EIF4G3: variants seen among roughly 807,000 people sequenced by gnomAD.
The protein encoded by EIF4G3 is eukaryotic translation initiation factor 4 gamma 3.
Under a neutral mutation model 186.4 loss-of-function variants are expected in EIF4G3, and 34 were observed. The observed-to-expected ratio is 0.18, with a 90% CI of 0.14 to 0.24. The LOEUF (loss-of-function observed/expected upper bound fraction) is 0.24. Among genes scored for constraint, EIF4G3 ranks in the 10% least tolerant of loss-of-function variants. The pLI is 1.00. For missense variants in EIF4G3, 1,536 were observed against 1,948.5 expected (o/e 0.79, Z 3.99); for synonymous variants, 673 against 679.5 (o/e 0.99, Z 0.15).
chr1:20,997,318 T>C (rs968330107), intron 7 of EIF4G3, among the ~76,000 whole-genome samples: 21 of 151,862 alleles, frequency 1.4e-4, no homozygotes, highest in Non-Finnish European at 2.4e-4. Flanking sequence ...ACTTAGTATC[T>C]AAATTTTTCA....
intron 7 of EIF4G3, among the ~76,000 whole-genome samples, chr1:20,984,877 C>A (rs1043020078): frequency 1.7e-4 from 26 of 152,224 alleles, no homozygotes; most frequent in African/African-American, 6.3e-4. Context: ...CGTGAGCCAC[C>A]GTGCCCAGTC....
At position 21,082,910 on chromosome 1, in the gene EIF4G3, C is replaced by T. The variant is rs981912611; in HGVS notation, c.-196+6228G>A. On this transcript the variant is annotated intron_variant, in intron 3 of 36. Transcript: ENST00000602326. ...AAAATTAGCCGGGCGTGTTGGCGGG[C>T]GCCTGTAGTCCCAGCTACTTGGGAG... Among the ~76,000 whole-genome samples the T allele has an allele frequency of 1.3e-3, 190 of 151,046 alleles. 1 individual carries two copies. The highest frequency in any genetic ancestry group is 4.4e-3 in the African/African-American group (179 of 41,020).
intron 2 of EIF4G3, among the ~76,000 whole-genome samples, chr1:21,163,294 C>T (rs1327403102): frequency 2.0e-5 from 3 of 152,210 alleles, no homozygotes; most frequent in Non-Finnish European, 4.4e-5. Context: ...AGGTCAAGTG[C>T]TCTGTAGTCT....
At chr1:21,020,530 A>G (rs930639073) in intron 4 of EIF4G3, among the ~76,000 whole-genome samples, 12 of 152,176 alleles carry the variant, frequency 7.9e-5, no homozygotes, top group African/African-American at 2.9e-4. Context: ...AAAGAAGAAT[A>G]CCATTTATCT....
chr1:20,848,788 C>T (rs565131334), intron 29 of EIF4G3, among the ~76,000 whole-genome samples: 1 of 151,866 alleles, frequency 6.6e-6, no homozygotes, highest in Non-Finnish European at 1.5e-5. Context: ...TGGCTCACGC[C>T]TGTAATCTCA....
chr1:20,861,841 G>A (rs1286950073), intron 23 of EIF4G3, among the ~76,000 whole-genome samples: 3 of 152,104 alleles, frequency 2.0e-5, no homozygotes, highest in African/African-American at 7.2e-5. Context: ...AGGTGTGGGG[G>A]CATGTGCCTG....
At chr1:21,016,226 T>C (rs1230198267) in intron 4 of EIF4G3, among the ~76,000 whole-genome samples, 4 of 152,174 alleles carry the variant, frequency 2.6e-5, no homozygotes, top group Non-Finnish European at 5.9e-5. Context: ...AAAATACATA[T>C]TTATAACTTC....
intron 2 of EIF4G3, among the ~76,000 whole-genome samples, chr1:21,123,775 A>G (rs1372612764): frequency 1.3e-5 from 2 of 152,142 alleles, no homozygotes; most frequent in East Asian, 3.9e-4. Flanking sequence ...AAATTCTGCC[A>G]CATAGGTCCT....
At chr1:21,166,691 C>T (rs2097860908) in intron 2 of EIF4G3, among the ~76,000 whole-genome samples, 1 of 152,048 alleles carries the variant, frequency 6.6e-6, no homozygotes, top group Non-Finnish European at 1.5e-5. Context: ...GGAGATCGCA[C>T]CACTGTACTC....
At chr1:20,917,439 C>T (rs1004434197) in intron 14 of EIF4G3, among the ~76,000 whole-genome samples, 1 of 152,166 alleles carries the variant, frequency 6.6e-6, no homozygotes, top group Non-Finnish European at 1.5e-5. Context: ...CCTGGGAGGT[C>T]AAGGCTGCAG....
intron 30 of EIF4G3, among the ~76,000 whole-genome samples, chr1:20,840,587 G>C (rs901648254): frequency 6.6e-6 from 1 of 152,066 alleles, no homozygotes; most frequent in African/African-American, 2.4e-5. Context: ...GAGGCTAAGG[G>C]GTCTCTGTTA....
intron 7 of EIF4G3, among the ~76,000 whole-genome samples, chr1:20,992,876 A>C (rs548877756): frequency 1.3e-5 from 2 of 152,154 alleles, no homozygotes; most frequent in Non-Finnish European, 2.9e-5. Context: ...CAAAATAAAC[A>C]ACACAGGCCA....
At chr1:21,018,738 T>A (rs1392995171) in intron 4 of EIF4G3, among the ~76,000 whole-genome samples, 1 of 152,074 alleles carries the variant, frequency 6.6e-6, no homozygotes, top group Non-Finnish European at 1.5e-5. Flanking sequence ...TCTCACTTAG[T>A]TCCCTTAAGA....
chr1:21,173,071 G>A (rs1461903871), intron 2 of EIF4G3, among the ~76,000 whole-genome samples: 4 of 143,282 alleles, frequency 2.8e-5, no homozygotes, highest in Non-Finnish European at 4.5e-5. Context: ...CCCAAGAGGC[G>A]GAGGTTGCAG....
Position 20,909,872 on chromosome 1 carries a change from C to G in EIF4G3, c.1664-4901G>C, listed in dbSNP as rs984328895. ...ACTTGGCTCACTGTAGCCCCAGACT[C>G]CTGGGCCCAAGTGATTCTCCCACCT... On this transcript the variant is annotated intron_variant, in intron 14 of 36. Coordinates refer to ENST00000602326, the MANE Select transcript of EIF4G3 (RefSeq NM_001391906.1). Among the ~76,000 whole-genome samples the G allele has an allele frequency of 4.0e-5, 6 of 151,042 alleles. No individual in the cohort carries two copies. The South Asian group carries it at 1.0e-3, about 26-fold the overall frequency.
At chr1:21,052,725 C>T (rs977600959) in intron 3 of EIF4G3, among the ~76,000 whole-genome samples, 13 of 152,178 alleles carry the variant, frequency 8.5e-5, no homozygotes, top group Admixed American at 2.0e-4. Flanking sequence ...CGATTGCAGG[C>T]GCGCGCCGCC....
chr1:21,072,123 G>T (rs569182926), intron 3 of EIF4G3, among the ~76,000 whole-genome samples: 70 of 152,264 alleles, frequency 4.6e-4, no homozygotes, highest in South Asian at 1.0e-3. Flanking sequence ...CCTAAGTTTT[G>T]TATCATGTAC....
chr1:20,956,953 C>A (rs569112535), intron 12 of EIF4G3, among the ~76,000 whole-genome samples: 1 of 152,256 alleles, frequency 6.6e-6, no homozygotes, highest in South Asian at 2.1e-4. Context: ...CCTTCAGAAA[C>A]CTTAATATGT....
intron 2 of EIF4G3, among the ~76,000 whole-genome samples, chr1:21,133,021 C>T (rs769319700): frequency 6.6e-5 from 10 of 152,032 alleles, no homozygotes; most frequent in Non-Finnish European, 1.2e-4. Context: ...TGGGCTCAAG[C>T]GATCCACCCA....
Sources: gnomAD v4.1 joint callset for allele counts (sites outside exome capture counted in the v4.1 genomes callset) on GRCh38, gnomAD v4.1.1 for gene constraint, MANE v1.5 for transcripts, NCBI Gene and HGNC (gene_info 2026-07-23, HGNC 2026-07-21) for gene names.